The following GRID2 variants were observed in gnomAD, a reference collection of about 807,000 sequenced individuals.
GRID2 encodes the protein glutamate receptor ionotropic, delta-2.
GRID2 carries 33 observed loss-of-function variants against 114.8 expected under a neutral mutation model. The ratio of observed to expected loss-of-function variants is 0.29; its 90% CI spans 0.22 to 0.38. The LOEUF (loss-of-function observed/expected upper bound fraction) is 0.38, where lower values mean the gene tolerates loss of function less well. Ranked by LOEUF, GRID2 falls within the 10% of genes least tolerant of loss-of-function variation. The pLI, the probability that GRID2 is intolerant of heterozygous loss-of-function variation, is 1.00. For synonymous variants in GRID2, 505 were observed against 449.9 expected (o/e 1.12, Z -1.55); for missense variants, 1,184 against 1,257.7 (o/e 0.94, Z 0.89).
intron 2 of GRID2, among the ~76,000 whole-genome samples, chr4:93,052,957 G>A (rs1726865570): frequency 1.3e-5 from 2 of 151,988 alleles, no homozygotes; most frequent in South Asian, 2.1e-4. Context: ...GTGTGGCAAA[G>A]AAGTTTATTT....
At chr4:93,674,523 T>G (rs1218579881) in intron 14 of GRID2, among the ~76,000 whole-genome samples, 1 of 152,156 alleles carries the variant, frequency 6.6e-6, no homozygotes, top group Non-Finnish European at 1.5e-5. Flanking sequence ...CATTAACATT[T>G]CATTCCCTGT....
intron 1 of GRID2, among the ~76,000 whole-genome samples, chr4:92,378,808 A>G (rs1729476853): frequency 6.6e-6 from 1 of 151,994 alleles, no homozygotes; most frequent in East Asian, 1.9e-4. Flanking sequence ...AAAATATTTC[A>G]TTTGCTACCT....
At chr4:92,909,356 A>G (rs1258081735) in intron 2 of GRID2, among the ~76,000 whole-genome samples, 2 of 151,960 alleles carry the variant, frequency 1.3e-5, no homozygotes, top group Non-Finnish European at 2.9e-5. Context: ...GCACTTTTTC[A>G]CATATTTTTA....
chr4:93,128,351 A>G (rs1326027469), intron 4 of GRID2, among the ~76,000 whole-genome samples: 1 of 152,154 alleles, frequency 6.6e-6, no homozygotes, highest in Non-Finnish European at 1.5e-5. Flanking sequence ...TATACTAGAG[A>G]GAGAAAAAGA....
At chr4:93,089,894 C>G (rs1730631427) in intron 3 of GRID2, among the ~76,000 whole-genome samples, 1 of 152,106 alleles carries the variant, frequency 6.6e-6, no homozygotes, top group Non-Finnish European at 1.5e-5. Context: ...TCAAGTTCCA[C>G]AAAACAATGT....
chr4:93,216,794 G>A lies in GRID2; in HGVS notation c.846G>A (p.Thr282=), dbSNP rs773668647. ...ELVRRSIGRL[T]IIRQTFPVPQ... ...TAAGAAGGTCAATTGGAAGGTTAAC[G>A]ATTATTCGGCAGACATTTCCAGTTC... The change falls in exon 6 of 16, where the codon ACG becomes ACA. Residue 282 remains threonine, a synonymous_variant. Coordinates refer to ENST00000282020, the MANE Select transcript of GRID2 (RefSeq NM_001510.4). The A allele has an allele frequency of 1.1e-5, 17 of 1,612,338 alleles. No homozygotes were observed. Among genetic ancestry groups the A allele is most frequent in the East Asian group, 4.5e-5 (2 of 44,860 alleles).
chr4:92,743,337 G>C (rs1736989064), intron 2 of GRID2, among the ~76,000 whole-genome samples: 1 of 151,998 alleles, frequency 6.6e-6, no homozygotes, highest in Non-Finnish European at 1.5e-5. Flanking sequence ...TGTTGTTATA[G>C]GCCATTATAT....
At chr4:93,082,857 G>A (rs969763901) in intron 2 of GRID2, among the ~76,000 whole-genome samples, 39 of 152,274 alleles carry the variant, frequency 2.6e-4, no homozygotes, top group Non-Finnish European at 4.7e-4. Context: ...CAGTGGGTTG[G>A]AAGAAACAAG....
At chr4:93,366,897 A>C (rs557195627) in intron 8 of GRID2, among the ~76,000 whole-genome samples, 11 of 152,150 alleles carry the variant, frequency 7.2e-5, no homozygotes, top group Non-Finnish European at 1.6e-4. Flanking sequence ...TCCCTGTACT[A>C]ATTTGAAAAA....
At chr4:92,878,529 A>G (rs1012670939) in intron 2 of GRID2, among the ~76,000 whole-genome samples, 1 of 152,122 alleles carries the variant, frequency 6.6e-6, no homozygotes, top group Non-Finnish European at 1.5e-5. Flanking sequence ...AAAAGTCTCT[A>G]TTATTAAGAA....
intron 1 of GRID2, among the ~76,000 whole-genome samples, chr4:93,799,687 A>G (rs764540210): frequency 2.6e-5 from 4 of 152,202 alleles, no homozygotes; most frequent in Non-Finnish European, 5.9e-5. Context: ...AAGATAATCA[A>G]TTAGTATGAT....
rs1722059829 is a variant in GRID2, at chr4:92,471,934, T to TC, written c.89-118197_89-118196insC. On this transcript the variant is annotated intron_variant, in intron 1 of 15. Coordinates refer to ENST00000282020, the MANE Select transcript of GRID2 (RefSeq NM_001510.4). ...GGGATTTATCCATATTTCTTTTTTT[T>TC]TTTTTTTTTTTTTTTTTGAGACGGA... 3.7e-5 allele frequency among the ~76,000 whole-genome samples: 2 copies of TC among 54,536 alleles called. 1 individual carries two copies. Among genetic ancestry groups the TC allele is most frequent in the Admixed American group, 2.8e-4 (2 of 7,126 alleles). The allele number at this position is 54,536 out of a possible 152,430, so 35.8% of individuals were successfully genotyped here. A position where few individuals can be genotyped will look rare whatever the true frequency, so the allele number is the denominator to read the frequency against.
chr4:93,486,761 C>T (rs1726449872), intron 11 of GRID2, among the ~76,000 whole-genome samples: 1 of 151,692 alleles, frequency 6.6e-6, no homozygotes, highest in Admixed American at 6.6e-5. Context: ...TTTGAATCTA[C>T]AATCATGTGA....
At chr4:93,233,759 A>T (rs567280611) in intron 7 of GRID2, among the ~76,000 whole-genome samples, 9 of 152,160 alleles carry the variant, frequency 5.9e-5, no homozygotes, top group Non-Finnish European at 1.3e-4. Context: ...ACACCAATTA[A>T]GAGGCTAATC....
Position 93,110,849 on chromosome 4 carries a change from C to A in GRID2, c.631C>A (p.Leu211Ile). ...ENNINKMITT[L>I]FDTMRIEELN... is the part of the protein sequence containing the mutation. ...CAACATCAATAAAATGATTACCACT[C>A]TCTTTGACACCATGAGAATAGAAGA... Residue 211 changes from leucine (L) to isoleucine (I), a missense_variant, in exon 4 of 16, where the codon CTC (leucine) becomes ATC (isoleucine). By Grantham distance (5) the Leu-to-Ile change is conservative. Transcript: ENST00000282020. 1 of 1,609,674 alleles carries A rather than the reference C, an allele frequency of 6.2e-7. No individual in the cohort carries two copies. Among genetic ancestry groups the A allele is most frequent in the Non-Finnish European group, 8.5e-7 (1 of 1,175,940 alleles).
chr4:92,971,014 T>TA (rs538209445), intron 2 of GRID2, among the ~76,000 whole-genome samples: 407 of 148,768 alleles, frequency 2.7e-3, no homozygotes, highest in African/African-American at 8.7e-3. Context: ...AAGCTTTTTT[T>TA]AAAAAAAAAA....
intron 2 of GRID2, among the ~76,000 whole-genome samples, chr4:92,831,657 C>T (rs1456243420): frequency 6.6e-6 from 1 of 151,882 alleles, no homozygotes; most frequent in Non-Finnish European, 1.5e-5. Context: ...AATTTGTGAA[C>T]AGCCTGGACA....
intron 2 of GRID2, among the ~76,000 whole-genome samples, chr4:92,962,847 T>A (rs1383450665): frequency 6.6e-6 from 1 of 151,926 alleles, no homozygotes; most frequent in East Asian, 1.9e-4. Context: ...CAGCAATAGT[T>A]CCCACAGAGG....
intron 11 of GRID2, among the ~76,000 whole-genome samples, chr4:93,482,006 A>G: frequency 6.6e-6 from 1 of 152,062 alleles, no homozygotes; most frequent in East Asian, 1.9e-4. Context: ...ACTTAAAAGG[A>G]ATGTCATTGC....
Sources: gnomAD v4.1 joint callset for allele counts (sites outside exome capture counted in the v4.1 genomes callset) on GRCh38, gnomAD v4.1.1 for gene constraint, MANE v1.5 for transcripts, NCBI Gene and HGNC (gene_info 2026-07-23, HGNC 2026-07-21) for gene names.